The following COP1 variants were observed in gnomAD, a reference collection of about 807,000 sequenced individuals.
COP1 encodes COP1 E3 ubiquitin ligase.
Under a neutral mutation model 101.3 loss-of-function variants are expected in COP1, and 24 were observed. The observed-to-expected ratio is 0.24, with a 90% CI of 0.17 to 0.33. The LOEUF (loss-of-function observed/expected upper bound fraction) is 0.33, where lower values mean the gene tolerates loss of function less well. Among genes scored for constraint, COP1 ranks in the 10% least tolerant of loss-of-function variants. The pLI, the probability that COP1 is intolerant of heterozygous loss-of-function variation, is 1.00. For missense variants in COP1, 663 were observed against 906.2 expected, an observed-to-expected ratio of 0.73 and a Z score of 3.45; for synonymous variants, 347 against 341.9, an observed-to-expected ratio of 1.01 and a Z score of -0.17.
intron 18 of COP1, among the ~76,000 whole-genome samples, chr1:175,980,689 T>C (rs897866797): frequency 6.6e-6 from 1 of 152,106 alleles, no homozygotes; most frequent in Admixed American, 6.6e-5. Flanking sequence ...ACTGCTTTTT[T>C]TTTTGCCTGA....
chr1:176,146,570 G>T (rs969732265), intron 6 of COP1, among the ~76,000 whole-genome samples: 1 of 152,168 alleles, frequency 6.6e-6, no homozygotes, highest in Non-Finnish European at 1.5e-5. Context: ...AGAAGCCCCT[G>T]TGACAAAAAA....
At chr1:176,129,453 T>A (rs371281318) in intron 8 of COP1, among the ~76,000 whole-genome samples, 8 of 151,986 alleles carry the variant, frequency 5.3e-5, no homozygotes, top group Middle Eastern at 3.4e-3. Flanking sequence ...TTAAAAAAAA[T>A]GAATTAAACT....
rs114560531 is a variant in COP1 at position 176,032,249 on chromosome 1, C to T, written c.1613-4561G>A. Among the ~76,000 whole-genome samples, 921 of 152,234 alleles carry T rather than the reference C, an allele frequency of 6.0e-3. 12 individuals are homozygous for T. The highest frequency in any genetic ancestry group is 0.021 in the African/African-American group (883 of 41,540). On this transcript the variant is annotated intron_variant, in intron 14 of 19. Coordinates refer to ENST00000367669, the MANE Select transcript of COP1 (RefSeq NM_022457.7). Reference sequence around the variant, plus strand: ...AGGGAGAGTGCTATTTCAACAAAAACTACCATAAAACTCAGGGGCAATGTG... The same window carrying T: ...AGGGAGAGTGCTATTTCAACAAAAATTACCATAAAACTCAGGGGCAATGTG...
chr1:176,206,670 G>A lies in COP1; in HGVS notation c.309C>T (p.Ser103=), dbSNP rs1408549381. The A allele has an allele frequency of 1.2e-6, 2 of 1,610,386 alleles. No individual in the cohort carries two copies. The highest frequency in any genetic ancestry group is 2.2e-5 in the South Asian group (2 of 91,084). The part of the protein sequence containing the change: ...ARPSAGVGGS[S]SSLGSGSRKR... The stretch of plus-strand genomic sequence containing the variant: ...TCCTGCTGCCGCTGCCTAGGCTGGA[G>A]CTGCTGCCTCCTACGCCGGCGCTGG... The change falls in exon 1 of 20, where the codon AGC becomes AGT. Residue 103 remains serine, a synonymous_variant. Transcript: ENST00000367669.
chr1:175,970,950 G>A (rs1298134131), intron 18 of COP1, among the ~76,000 whole-genome samples: 1 of 152,172 alleles, frequency 6.6e-6, no homozygotes, highest in Non-Finnish European at 1.5e-5. Context: ...CATAAAGGCC[G>A]ACTGAAAGGG....
At chr1:175,954,482 GA>G (rs1272852170) in intron 18 of COP1, among the ~76,000 whole-genome samples, 6 of 151,984 alleles carry the variant, frequency 3.9e-5, no homozygotes, top group Admixed American at 6.6e-5. Context: ...TTAATTCATT[GA>G]AAAAAATCAA....
chr1:176,025,435 T>A (rs1425170554), intron 15 of COP1, among the ~76,000 whole-genome samples: 2 of 140,762 alleles, frequency 1.4e-5, no homozygotes, highest in East Asian at 2.1e-4. Flanking sequence ...TATCCAAATA[T>A]GAACAAGTTT....
At chr1:176,071,036 A>T (rs1159555093) in intron 11 of COP1, among the ~76,000 whole-genome samples, 1 of 152,176 alleles carries the variant, frequency 6.6e-6, no homozygotes, top group African/African-American at 2.4e-5. Context: ...CTAGATATTG[A>T]CTGACAGAGT....
chr1:176,046,749 A>G (rs962101135), intron 11 of COP1, among the ~76,000 whole-genome samples: 2 of 152,030 alleles, frequency 1.3e-5, no homozygotes, highest in African/African-American at 4.8e-5. Flanking sequence ...TCACAATATT[A>G]AATTTTATTT....
intron 11 of COP1, among the ~76,000 whole-genome samples, chr1:176,076,118 A>G (rs1191746446): frequency 6.6e-6 from 1 of 151,992 alleles, no homozygotes; most frequent in Non-Finnish European, 1.5e-5. Context: ...CACTTGACCA[A>G]CTGGATACAC....
rs551033382 is a variant in COP1 at position 176,007,582 on chromosome 1, G to A, written c.1730-18103C>T. Among the ~76,000 whole-genome samples, 31 of 151,758 alleles carry A rather than the reference G, an allele frequency of 2.0e-4. No individual in the cohort carries two copies. The South Asian group carries it at 6.3e-3, about 31-fold the overall frequency. ...CTAACAGACAGGACCCTCAGCTGCA[G>A]GTCTGTTGGAATACCCTGCCGTGTG... On this transcript the variant is annotated intron_variant, in intron 15 of 19. Coordinates refer to ENST00000367669, the MANE Select transcript of COP1 (RefSeq NM_022457.7).
intron 15 of COP1, among the ~76,000 whole-genome samples, chr1:176,020,733 A>G (rs903713071): frequency 5.3e-5 from 8 of 152,218 alleles, no homozygotes; most frequent in Middle Eastern, 3.2e-3. Flanking sequence ...ATGTAGGAAA[A>G]TATGTATCAA....
At chr1:176,095,637 C>T (rs1201199270) in intron 9 of COP1, among the ~76,000 whole-genome samples, 1 of 151,592 alleles carries the variant, frequency 6.6e-6, no homozygotes, top group Non-Finnish European at 1.5e-5. Context: ...TGAGATCCTG[C>T]CACAGCACTC....
intron 9 of COP1, among the ~76,000 whole-genome samples, chr1:176,097,891 C>G (rs1415169446): frequency 7.0e-6 from 1 of 143,436 alleles, no homozygotes; most frequent in East Asian, 2.1e-4. Context: ...AAAAAAAGCT[C>G]TAATTAATTG....
At chr1:176,153,922 T>C (rs1331212933) in intron 5 of COP1, among the ~76,000 whole-genome samples, 1 of 152,254 alleles carries the variant, frequency 6.6e-6, no homozygotes, top group Non-Finnish European at 1.5e-5. Flanking sequence ...GAACCAGTCT[T>C]GCATCCCAAA....
intron 3 of COP1, among the ~76,000 whole-genome samples, chr1:176,165,736 A>T (rs759924288): frequency 3.3e-5 from 5 of 152,120 alleles, no homozygotes; most frequent in Non-Finnish European, 4.4e-5. Context: ...ATATAGCTAA[A>T]ACAAGGGTCA....
chr1:176,151,353 A>G (rs866128658), intron 5 of COP1, among the ~76,000 whole-genome samples: 32 of 116,094 alleles, frequency 2.8e-4, no homozygotes, highest in Non-Finnish European at 4.1e-4. Flanking sequence ...GAAAGAAAGA[A>G]AAAGAAAGAA....
chr1:175,947,661 T>C (rs559775485), intron 18 of COP1, among the ~76,000 whole-genome samples: 14 of 152,260 alleles, frequency 9.2e-5, no homozygotes, highest in South Asian at 2.1e-4. Flanking sequence ...TGAGCCACTG[T>C]GCCCAGTCGA....
chr1:175,984,230 G>A (rs1398854486), intron 18 of COP1, among the ~76,000 whole-genome samples: 3 of 152,206 alleles, frequency 2.0e-5, no homozygotes, highest in Admixed American at 6.5e-5. Flanking sequence ...GTCCAGGGTT[G>A]GCATGCTGCG....
Sources: gnomAD v4.1 joint callset for allele counts (sites outside exome capture counted in the v4.1 genomes callset) on GRCh38, gnomAD v4.1.1 for gene constraint, MANE v1.5 for transcripts, NCBI Gene and HGNC (gene_info 2026-07-23, HGNC 2026-07-21) for gene names.